Variants in SQOR observed in about 807,000 individuals in gnomAD.
The protein encoded by SQOR is sulfide quinone oxidoreductase.
SQOR carries 39 observed loss-of-function variants against 48.6 expected under a neutral mutation model. The observed-to-expected ratio is 0.80, with a 90% CI of 0.62 to 1.05. SQOR has a LOEUF of 1.05. Among genes scored for constraint, SQOR ranks in the 50% least tolerant of loss-of-function variants. SQOR has a pLI of 0.00. For synonymous variants in SQOR, 220 were observed against 206.2 expected (o/e 1.07, Z -0.57); for missense variants, 561 against 559.9 (o/e 1.00, Z -0.02).
intron 1 of SQOR, among the ~76,000 whole-genome samples, chr15:45,648,810 T>G (rs1195810358): frequency 6.6e-6 from 1 of 152,222 alleles, no homozygotes; most frequent in Non-Finnish European, 1.5e-5. Flanking sequence ...AGCTGGACAC[T>G]GTTTAATGAT....
At chr15:45,636,318 T>C (rs1428997459) in intron 1 of SQOR, among the ~76,000 whole-genome samples, 1 of 151,954 alleles carries the variant, frequency 6.6e-6, no homozygotes, top group Non-Finnish European at 1.5e-5. Flanking sequence ...ATAGTTACCA[T>C]AATTTTGAAG....
chr15:45,658,857 C>T, intron 1 of SQOR, 50 bp from the exon 2 acceptor site: 1 of 1,364,534 alleles, frequency 7.3e-7, no homozygotes, highest in Non-Finnish European at 9.7e-7. Flanking sequence ...CGCTTCAGTC[C>T]CACGATGGTT....
chr15:45,688,936 G>T, intron 8 of SQOR, 103 bp from the exon 9 acceptor site: 1 of 970,156 alleles, frequency 1.0e-6, no homozygotes. Flanking sequence ...ATACAGAAAA[G>T]AAAAAATATA....
upstream of SQOR, among the ~76,000 whole-genome samples, chr15:45,633,842 G>A (rs1894944926): frequency 1.3e-5 from 2 of 151,580 alleles, no homozygotes; most frequent in South Asian, 4.2e-4. Context: ...CAGTCTCTTT[G>A]ATTAAAGATA....
At chr15:45,665,586 T>G (rs1425204138) in intron 3 of SQOR, among the ~76,000 whole-genome samples, 4 of 144,772 alleles carry the variant, frequency 2.8e-5, no homozygotes, top group South Asian at 2.1e-4. Context: ...CATTCTGTCT[T>G]TTTTTTTTTT....
chr15:45,682,170 A>G (rs1437483021), intron 6 of SQOR, among the ~76,000 whole-genome samples: 3 of 152,158 alleles, frequency 2.0e-5, no homozygotes, highest in Non-Finnish European at 2.9e-5. Context: ...AAAAACATCA[A>G]TGGATTTTTT....
intron 4 of SQOR, among the ~76,000 whole-genome samples, chr15:45,670,951 A>C (rs1889929777): frequency 6.6e-6 from 1 of 152,222 alleles, no homozygotes; most frequent in Admixed American, 6.5e-5. Context: ...CCTTCCAAAA[A>C]GGCCCCCACA....
chr15:45,650,136 CCTGA>C lies in SQOR; in HGVS notation c.-17-8768_-17-8765del, dbSNP rs527472027. Among the ~76,000 whole-genome samples, 4 of 152,122 alleles carry C rather than the reference CCTGA, an allele frequency of 2.6e-5. No homozygotes were observed. In the South Asian group the frequency reaches 8.4e-4, roughly 32 times the overall value. On this transcript the variant is annotated intron_variant, in intron 1 of 9. Transcript: ENST00000260324. ...GGGATTACAGGCACGAGCCACTGTG[CCTGA>C]CTTTTTTTTAAGCCTTTGCAATGTG...
At chr15:45,683,177 A>G (rs539185542) in intron 7 of SQOR, among the ~76,000 whole-genome samples, 176 of 152,128 alleles carry the variant, frequency 1.2e-3, no homozygotes, top group African/African-American at 3.9e-3. Flanking sequence ...TTGTCAGAAG[A>G]GGGGGCCTTA....
intron 4 of SQOR, among the ~76,000 whole-genome samples, chr15:45,671,442 A>G (rs11070462): frequency 0.64 from 97,376 of 152,024 alleles, 33,184 homozygotes; most frequent in Middle Eastern, 0.79. Context: ...ACAGGCGTGA[A>G]CCACTGCACC....
intron 3 of SQOR, among the ~76,000 whole-genome samples, chr15:45,668,684 T>C (rs1474164878): frequency 1.3e-5 from 2 of 152,198 alleles, no homozygotes; most frequent in African/African-American, 4.8e-5. Flanking sequence ...GAGTCCTCTC[T>C]CTCCAACTGC....
intron 2 of SQOR, among the ~76,000 whole-genome samples, chr15:45,660,348 T>C (rs1292458589): frequency 6.6e-6 from 1 of 152,228 alleles, no homozygotes; most frequent in African/African-American, 2.4e-5. Flanking sequence ...ATTTTCCTTT[T>C]TAAAGTGACG....
intron 1 of SQOR, among the ~76,000 whole-genome samples, chr15:45,641,254 G>C (rs1478296472): frequency 7.9e-5 from 12 of 152,196 alleles, no homozygotes; most frequent in African/African-American, 2.9e-4. Flanking sequence ...GATAGGTCAG[G>C]ATAATTTGTA....
At chr15:45,658,848 G>A (rs750869849) in intron 1 of SQOR, 59 bp from the exon 2 acceptor site, 30 of 1,309,670 alleles carry the variant, frequency 2.3e-5, no homozygotes, top group Non-Finnish European at 2.9e-5. Flanking sequence ...GAAAGAAAAC[G>A]CTTCAGTCCC....
chr15:45,638,671 C>A (rs1312048174), intron 1 of SQOR, among the ~76,000 whole-genome samples: 3 of 151,632 alleles, frequency 2.0e-5, no homozygotes, highest in Non-Finnish European at 4.4e-5. Context: ...TTGCATTGAG[C>A]CAAGATTATC....
At chr15:45,690,842 C>T in intron 9 of SQOR, 131 bp from the exon 10 acceptor site, 1 of 797,478 alleles carries the variant, frequency 1.3e-6, no homozygotes, top group South Asian at 1.5e-5. Context: ...CTCCAACTCA[C>T]TAGACAATCT....
At chr15:45,659,283 G>C in intron 2 of SQOR, 126 bp downstream of exon 2, 3 of 714,298 alleles carry the variant, frequency 4.2e-6, no homozygotes, top group Non-Finnish European at 6.3e-6. Context: ...TCAGGTTAGG[G>C]CTTCTCCTGG....
intron 7 of SQOR, among the ~76,000 whole-genome samples, chr15:45,687,919 G>A (rs1890251303): frequency 6.6e-6 from 1 of 152,212 alleles, no homozygotes; most frequent in African/African-American, 2.4e-5. Flanking sequence ...TAGAGAGGAA[G>A]GCCTGCTTTG....
rs1889671889 is a variant in SQOR, at chr15:45,659,118, A to G, written c.195A>G (p.Lys65=). The change falls in exon 2 of 10, where the codon AAA becomes AAG. Residue 65 remains lysine, a synonymous_variant. Coordinates refer to ENST00000260324, the MANE Select transcript of SQOR (RefSeq NM_021199.4). ...GITMAARMKR[K]VGAENVAIVE... ...CCATGGCTGCCCGCATGAAGAGGAA[A>G]GTGGGTGCAGAGAATGTGGCCATTG... is the stretch of plus-strand genomic sequence containing the variant. 6.4e-7 allele frequency: 1 copy of G among 1,571,564 alleles called. No individual in the cohort carries two copies.
Sources: gnomAD v4.1 joint callset for allele counts (sites outside exome capture counted in the v4.1 genomes callset) on GRCh38, gnomAD v4.1.1 for gene constraint, MANE v1.5 for transcripts, NCBI Gene and HGNC (gene_info 2026-07-23, HGNC 2026-07-21) for gene names.